DSCAM: variants seen among roughly 807,000 people sequenced by gnomAD.
The protein encoded by DSCAM is DS cell adhesion molecule.
DSCAM carries 47 observed loss-of-function variants against 217.7 expected under a neutral mutation model. The ratio of observed to expected loss-of-function variants is 0.22; its 90% CI spans 0.17 to 0.28. The LOEUF (loss-of-function observed/expected upper bound fraction) is 0.28. DSCAM is among the 10% of genes least tolerant of loss of function. The probability of loss-of-function intolerance (pLI) is 1.00; values close to 1 mark genes in which losing one functional copy is unlikely to be tolerated. For missense variants in DSCAM, 2,080 were observed against 2,618.3 expected (o/e 0.79, Z 4.49); for synonymous variants, 1,056 against 1,015.3 (o/e 1.04, Z -0.76).
intron 1 of DSCAM, among the ~76,000 whole-genome samples, chr21:40,721,629 A>T (rs1296680169): frequency 3.3e-5 from 5 of 152,174 alleles, no homozygotes; most frequent in Non-Finnish European, 5.9e-5. Context: ...CCCAAATTGA[A>T]AAACAAACTT....
In DSCAM at chr21:40,075,028, TG is replaced by T; in HGVS notation, c.4888+8del. ...ACACGCGTAGGTGGACAGCTGGGCC[TG>T]GACCTACCTCGCAGCCTCTTTAGCC... On this transcript the variant is annotated splice_region_variant and intron_variant, in intron 27 of 32. Coordinates refer to ENST00000400454, the MANE Select transcript of DSCAM (RefSeq NM_001389.5). The T allele has an allele frequency of 6.2e-7, 1 of 1,613,934 alleles. No homozygotes were observed. Among genetic ancestry groups the T allele is most frequent in the East Asian group, 2.2e-5 (1 of 44,876 alleles).
intron 5 of DSCAM, among the ~76,000 whole-genome samples, chr21:40,350,768 T>C (rs11700771): frequency 0.083 from 12,647 of 151,984 alleles, 1,184 homozygotes; most frequent in African/African-American, 0.23. Context: ...CAGGGGCATG[T>C]CTGAGAATTT....
At chr21:40,392,939 C>A (rs949322615) in intron 3 of DSCAM, among the ~76,000 whole-genome samples, 1 of 152,048 alleles carries the variant, frequency 6.6e-6, no homozygotes, top group Non-Finnish European at 1.5e-5. Flanking sequence ...CAATTCAACC[C>A]CCAAATCAAG....
intron 16 of DSCAM, among the ~76,000 whole-genome samples, chr21:40,145,992 A>G (rs2090352034): frequency 6.6e-6 from 1 of 152,158 alleles, no homozygotes; most frequent in Non-Finnish European, 1.5e-5. Flanking sequence ...GTATGTATAC[A>G]TGTACATATG....
intron 8 of DSCAM, among the ~76,000 whole-genome samples, chr21:40,333,828 C>T (rs1022420710): frequency 1.3e-5 from 2 of 152,212 alleles, no homozygotes; most frequent in Admixed American, 6.5e-5. Flanking sequence ...GCTGGAGCTA[C>T]AGGTGCGTAC....
chr21:40,356,179 A>C (rs2074690584), intron 4 of DSCAM, among the ~76,000 whole-genome samples: 1 of 152,156 alleles, frequency 6.6e-6, no homozygotes, highest in Non-Finnish European at 1.5e-5. Flanking sequence ...GGTAGGTAAA[A>C]GGGTACAAAG....
At chr21:40,783,993 A>C (rs1180327963) in intron 1 of DSCAM, among the ~76,000 whole-genome samples, 1 of 151,600 alleles carries the variant, frequency 6.6e-6, no homozygotes, top group African/African-American at 2.4e-5. Context: ...AAATATTTTA[A>C]AAGAAAATTT....
intron 3 of DSCAM, chr21:40,383,515 C>G (rs2075048448): frequency 6.6e-6 from 1 of 152,184 alleles, no homozygotes; most frequent in African/African-American, 2.4e-5. Context: ...GGGAAAGCCA[C>G]AGAAGGTACC....
chr21:40,049,514 G>A (rs1036499639), intron 30 of DSCAM, among the ~76,000 whole-genome samples: 1 of 151,996 alleles, frequency 6.6e-6, no homozygotes, highest in East Asian at 1.9e-4. Context: ...TTCTGTCTAG[G>A]ACTTACTGAG....
At chr21:40,324,875 A>G (rs558759605) in intron 8 of DSCAM, among the ~76,000 whole-genome samples, 7 of 152,338 alleles carry the variant, frequency 4.6e-5, no homozygotes, top group Non-Finnish European at 1.0e-4. Context: ...TAGATGAGGT[A>G]CAATTATTTT....
At chr21:40,157,455 T>C (rs1205115333) in intron 16 of DSCAM, among the ~76,000 whole-genome samples, 1 of 152,134 alleles carries the variant, frequency 6.6e-6, no homozygotes, top group Non-Finnish European at 1.5e-5. Flanking sequence ...GAAAGGAGCA[T>C]TGGAGAAAGG....
chr21:40,340,953 G>A lies in DSCAM; in HGVS notation c.1211-1538C>T, dbSNP rs575486148. ...AGTTATGTAGGGTCTTCATGGTGAT[G>A]GGGCTGTGCTGCAGCTCTTCCCTCC... On this transcript the variant is annotated intron_variant, in intron 6 of 32. Transcript: ENST00000400454. Among the ~76,000 whole-genome samples, 268 of 152,212 alleles carry A rather than the reference G, an allele frequency of 1.8e-3. 2 individuals are homozygous for A. Among genetic ancestry groups the A allele is most frequent in the African/African-American group, 5.0e-3 (206 of 41,534 alleles).
chr21:40,185,218 G>T (rs1409998934), intron 14 of DSCAM, among the ~76,000 whole-genome samples: 2 of 152,216 alleles, frequency 1.3e-5, no homozygotes, highest in East Asian at 1.9e-4. Context: ...GAGCACCTGA[G>T]AATTGAGATC....
intron 3 of DSCAM, among the ~76,000 whole-genome samples, chr21:40,529,588 T>C (rs541795232): frequency 6.6e-6 from 1 of 152,084 alleles, no homozygotes; most frequent in Non-Finnish European, 1.5e-5. Context: ...TGCACCATCA[T>C]GTCCCTCATA....
intron 11 of DSCAM, among the ~76,000 whole-genome samples, chr21:40,221,232 T>C (rs1410131085): frequency 6.6e-6 from 1 of 151,932 alleles, no homozygotes; most frequent in East Asian, 1.9e-4. Context: ...AGAACTACAC[T>C]ACCTGTCCCA....
chr21:40,682,585 A>AAGAGAGAGAAAGAGAGAAAGAG (rs1555880000), intron 3 of DSCAM, among the ~76,000 whole-genome samples: 53 of 98,404 alleles, frequency 5.4e-4, no homozygotes, highest in Non-Finnish European at 9.2e-4. Context: ...AGAAGAGAGA[A>AAGAGAGAGAAAGAGAGAAAGAG]AGAGAGAGAG....
chr21:40,028,652 G>A (rs1022870069), intron 32 of DSCAM, among the ~76,000 whole-genome samples: 4 of 152,288 alleles, frequency 2.6e-5, no homozygotes, highest in Admixed American at 2.6e-4. Context: ...CTAGGAAAGG[G>A]AACTCCCTGA....
chr21:40,658,667 G>A (rs1444485121), intron 3 of DSCAM, among the ~76,000 whole-genome samples: 1 of 152,140 alleles, frequency 6.6e-6, no homozygotes, highest in Admixed American at 6.5e-5. Context: ...CCCTTGGGAT[G>A]CCCACAGTAT....
intron 6 of DSCAM, among the ~76,000 whole-genome samples, chr21:40,341,353 T>C (rs932806673): frequency 2.6e-5 from 4 of 152,194 alleles, no homozygotes; most frequent in African/African-American, 9.7e-5. Context: ...TTTTGTAAAA[T>C]GTGTTTAGCT....
Sources: gnomAD v4.1 joint callset for allele counts (sites outside exome capture counted in the v4.1 genomes callset) on GRCh38, gnomAD v4.1.1 for gene constraint, MANE v1.5 for transcripts, NCBI Gene and HGNC (gene_info 2026-07-23, HGNC 2026-07-21) for gene names.